Variants in PCBP3 observed in about 807,000 individuals in gnomAD.
PCBP3 encodes poly(rC) binding protein 3, also known as poly(rC)-binding protein 3.
A neutral mutation model predicts 52.7 loss-of-function variants in PCBP3; 25 were observed. The observed-to-expected ratio is 0.47, with a 90% CI of 0.35 to 0.66. The LOEUF is 0.66. Among genes scored for constraint, PCBP3 ranks in the 30% least tolerant of loss-of-function variants. PCBP3 has a pLI of 0.01. For missense variants in PCBP3, 391 were observed against 490.3 expected (o/e 0.80, Z 1.91); for synonymous variants, 162 against 183.0 (o/e 0.89, Z 0.93).
rs2076304643 is a variant in PCBP3 at position 45,932,192 on chromosome 21, T to A, written c.856+1347T>A. Among the ~76,000 whole-genome samples the A allele has an allele frequency of 4.6e-5, 7 of 151,450 alleles. No homozygotes were observed. In the South Asian group the frequency reaches 1.5e-3, roughly 32 times the overall value. ...ACACATCAGCCATGCCGTCCCGAGA[T>A]GAATGAACACATCGGCCATGCTGTC... On this transcript the variant is annotated intron_variant, in intron 15 of 17. Transcript: ENST00000681687.
chr21:45,823,473 C>A (rs2093209003), intron 4 of PCBP3, among the ~76,000 whole-genome samples: 1 of 152,188 alleles, frequency 6.6e-6, no homozygotes, highest in Non-Finnish European at 1.5e-5. Flanking sequence ...CGTGGACTTT[C>A]CGCTGTGCAG....
chr21:45,810,804 G>A (rs760368283), intron 4 of PCBP3, among the ~76,000 whole-genome samples: 2 of 152,108 alleles, frequency 1.3e-5, no homozygotes, highest in Non-Finnish European at 2.9e-5. Flanking sequence ...TCTTCTTGTC[G>A]GGAAGGTATT....
In PCBP3 at chr21:45,912,380, G is replaced by A. The variant is rs575241641; in HGVS notation, c.600+1350G>A. 3.9e-5 allele frequency among the ~76,000 whole-genome samples: 6 copies of A among 152,290 alleles called. No individual in the cohort carries two copies. The South Asian group carries it at 1.0e-3, about 26-fold the overall frequency. On this transcript the variant is annotated intron_variant, in intron 11 of 17. Coordinates refer to ENST00000681687, the MANE Select transcript of PCBP3 (RefSeq NM_001384156.1). The stretch of plus-strand genomic sequence containing the variant: ...ATCACACCTGGAAACAGCTGGGTCC[G>A]CCCTCAGATGAAGAGTGACTGGAAA...
chr21:45,911,338 G>A (rs2096388297), intron 11 of PCBP3: 1 of 369,376 alleles, frequency 2.7e-6, no homozygotes, highest in Non-Finnish European at 5.3e-6. Context: ...GGGGTCTTCT[G>A]CACTGAGTTG....
chr21:45,921,106 A>G (rs1187750397), intron 13 of PCBP3, among the ~76,000 whole-genome samples: 2 of 152,218 alleles, frequency 1.3e-5, no homozygotes, highest in African/African-American at 4.8e-5. Flanking sequence ...AAACACAAAA[A>G]TAAAATGATT....
In PCBP3 at chr21:45,917,561, T is replaced by A; in HGVS notation, c.676-27T>A. On this transcript the variant is annotated intron_variant, in intron 12 of 17. Transcript: ENST00000681687. The surrounding 1 kb of genome is among the most constrained non-coding windows in gnomAD (Gnocchi z 5.3). ...GAGCCGTGGTGCAGCCAGGTTGCAG[T>A]CTGACGGGGTCTCTCTCTCTCTCTA... The A allele has an allele frequency of 1.2e-6, 2 of 1,606,834 alleles. No individual in the cohort carries two copies. The highest frequency in any genetic ancestry group is 1.7e-6 in the Non-Finnish European group (2 of 1,174,340).
intron 2 of PCBP3, among the ~76,000 whole-genome samples, chr21:45,698,243 C>T (rs2082905852): frequency 6.6e-6 from 1 of 152,192 alleles, no homozygotes; most frequent in African/African-American, 2.4e-5. Context: ...CTCCAAAGTG[C>T]CCACCTCTCT....
Position 45,647,620 on chromosome 21 carries a change from G to A in PCBP3, c.-279+3752G>A, listed in dbSNP as rs545229607. Among the ~76,000 whole-genome samples, 26 of 152,308 alleles carry A rather than the reference G, an allele frequency of 1.7e-4. No homozygotes were observed. The South Asian group carries it at 2.1e-3, about 12-fold the overall frequency. ...AAAAGACTGGAAGGTTGGAATAACCGGAGTACAGAGTGTGTAGTGGTGTGG... is the reference window on the plus strand; with the variant it reads ...AAAAGACTGGAAGGTTGGAATAACCAGAGTACAGAGTGTGTAGTGGTGTGG... On this transcript the variant is annotated intron_variant, in intron 1 of 17. Coordinates refer to ENST00000681687, the MANE Select transcript of PCBP3 (RefSeq NM_001384156.1).
chr21:45,892,115 G>A (rs1047851380), intron 5 of PCBP3, among the ~76,000 whole-genome samples: 6 of 152,270 alleles, frequency 3.9e-5, no homozygotes, highest in African/African-American at 7.2e-5. Flanking sequence ...GGGTGCCCTC[G>A]GGCAGGCAGA....
At chr21:45,644,313 C>T (rs982903891) in intron 1 of PCBP3, among the ~76,000 whole-genome samples, 1 of 151,712 alleles carries the variant, frequency 6.6e-6, no homozygotes, top group Admixed American at 6.6e-5. Context: ...GGGGCCTCCT[C>T]CCCCTGGACG....
At chr21:45,707,376 C>T (rs1446009876) in intron 2 of PCBP3, among the ~76,000 whole-genome samples, 4 of 151,796 alleles carry the variant, frequency 2.6e-5, no homozygotes, top group African/African-American at 4.8e-5. Flanking sequence ...ATTGTCTGGG[C>T]GTGATGGTGG....
chr21:45,923,811 G>C (rs976812097), intron 13 of PCBP3, among the ~76,000 whole-genome samples: 1 of 151,172 alleles, frequency 6.6e-6, no homozygotes, highest in African/African-American at 2.4e-5. Context: ...ACGTAAGATC[G>C]GGTGTGCACG....
At position 45,898,309 on chromosome 21, in the gene PCBP3, G is replaced by GCC. The variant is rs1569466344; in HGVS notation, c.166-1290_166-1289insCC. Among the ~76,000 whole-genome samples the GCC allele has an allele frequency of 5.3e-3, 382 of 72,586 alleles. 31 individuals carry two copies. The highest frequency in any genetic ancestry group is 5.5e-3 in the Non-Finnish European group (172 of 31,466). The allele number at this position is 72,586 out of a possible 152,430, so 47.6% of individuals were successfully genotyped here. A position where few individuals can be genotyped will look rare whatever the true frequency, so the allele number is the denominator to read the frequency against. Reference sequence around the variant, plus strand: ...GGCCCCTCTGCACACCGTCCTCACAGTCTCCCTCTGCACACCGTCCTCACA... The same window carrying GCC: ...GGCCCCTCTGCACACCGTCCTCACAGCCTCTCCCTCTGCACACCGTCCTCACA... On this transcript the variant is annotated intron_variant, in intron 6 of 17. Coordinates refer to ENST00000681687, the MANE Select transcript of PCBP3 (RefSeq NM_001384156.1).
chr21:45,894,135 C>A (rs1033552825), intron 5 of PCBP3: 10 of 611,944 alleles, frequency 1.6e-5, no homozygotes, highest in African/African-American at 1.6e-4. Flanking sequence ...GGGCTCTGGG[C>A]ACTGAGTCCC....
chr21:45,831,418 A>C (rs1296793352), intron 4 of PCBP3, among the ~76,000 whole-genome samples: 1 of 151,934 alleles, frequency 6.6e-6, no homozygotes, highest in Non-Finnish European at 1.5e-5. Flanking sequence ...CAAAAAAAAA[A>C]AAAAAAAAAA....
At chr21:45,905,033 C>T (rs928879690) in intron 9 of PCBP3, among the ~76,000 whole-genome samples, 1 of 152,206 alleles carries the variant, frequency 6.6e-6, no homozygotes, top group Non-Finnish European at 1.5e-5. Context: ...GGTACCACAG[C>T]CAGCTGAGAG....
At chr21:45,772,529 G>T (rs985111579) in intron 4 of PCBP3, among the ~76,000 whole-genome samples, 1 of 152,166 alleles carries the variant, frequency 6.6e-6, no homozygotes, top group Non-Finnish European at 1.5e-5. Context: ...AAACATAGGA[G>T]TGCAGGTACT....
In PCBP3 at chr21:45,928,373, G is replaced by C. The variant is rs1452146255; in HGVS notation, c.718-1544G>C. Among the ~76,000 whole-genome samples the C allele has an allele frequency of 6.6e-6, 1 of 152,168 alleles. No homozygotes were observed. The highest frequency in any genetic ancestry group is 6.5e-5 in the Admixed American group (1 of 15,294). On this transcript the variant is annotated intron_variant, in intron 13 of 17. Transcript: ENST00000681687. The surrounding 1 kb of genome is among the most constrained non-coding windows in gnomAD (Gnocchi z 4.1). ...CCTGGCTGCAAGGCCAGGGGTTGGG[G>C]AGGGGCAGGGCTGGGGAGCAGGCCC...
intron 4 of PCBP3, among the ~76,000 whole-genome samples, chr21:45,797,258 T>C (rs929773666): frequency 6.6e-6 from 1 of 152,120 alleles, no homozygotes; most frequent in Non-Finnish European, 1.5e-5. Flanking sequence ...GATGGATGAA[T>C]GCATGGATGG....
Sources: allele counts gnomAD v4.1 joint callset (sites outside exome capture counted in the v4.1 genomes callset), GRCh38; gene constraint gnomAD v4.1.1; non-coding constraint Gnocchi (gnomAD v3.1); transcripts MANE v1.5; gene names NCBI Gene and HGNC (gene_info 2026-07-23, HGNC 2026-07-21).